Variants in STK39 observed in about 807,000 individuals in gnomAD.
STK39 encodes serine/threonine kinase 39, also known as STE20/SPS1-related proline-alanine-rich protein kinase.
STK39 carries 20 observed loss-of-function variants against 77.8 expected under a neutral mutation model. That is an observed-to-expected ratio of 0.26 (90% confidence interval 0.18 to 0.37). The LOEUF (loss-of-function observed/expected upper bound fraction) is 0.37, where lower values mean the gene tolerates loss of function less well. Among genes scored for constraint, STK39 ranks in the 10% least tolerant of loss-of-function variants. STK39 has a pLI of 1.00. For synonymous variants in STK39, 246 were observed against 234.1 expected (o/e 1.05, Z -0.47); for missense variants, 479 against 656.5 (o/e 0.73, Z 2.95).
intron 6 of STK39, 33 bp from the exon 7 acceptor site, chr2:168,140,423 T>C (rs1258153319): frequency 1.3e-6 from 2 of 1,560,866 alleles, no homozygotes; most frequent in East Asian, 2.2e-5. Context: ...AACACAATCA[T>C]ACAGCAGGCA....
chr2:168,070,714 C>T (rs998393140), intron 12 of STK39, among the ~76,000 whole-genome samples: 4 of 151,508 alleles, frequency 2.6e-5, no homozygotes, highest in East Asian at 1.9e-4. Flanking sequence ...TCTGTCCTTG[C>T]GATAGTTTGC....
chr2:168,128,132 C>A (rs1017739509), intron 10 of STK39, among the ~76,000 whole-genome samples: 1 of 152,084 alleles, frequency 6.6e-6, no homozygotes, highest in Admixed American at 6.6e-5. Context: ...TCTCAGGGAC[C>A]AGCTAACAGG....
rs1688635380 is a variant in STK39, at chr2:168,163,838, TCTC to T, written c.470_472del (p.Gly157del). 1 of 1,614,014 alleles carries T rather than the reference TCTC, an allele frequency of 6.2e-7. No individual in the cohort carries two copies. The highest frequency in any genetic ancestry group is 1.3e-5 in the African/African-American group (1 of 75,056). On this transcript the variant is annotated inframe_deletion, in exon 4 of 18. Transcript: ENST00000355999. Reference sequence around the variant, plus strand: ...CTCTTCCAGAACTCCATTCTTGTGTTCTCCTCGGTTGACAATGTATTTTATGAT... The same window carrying T: ...CTCTTCCAGAACTCCATTCTTGTGTTCTCGGTTGACAATGTATTTTATGAT...
At chr2:167,963,573 C>A (rs1692061507) in intron 17 of STK39, among the ~76,000 whole-genome samples, 1 of 150,588 alleles carries the variant, frequency 6.6e-6, no homozygotes, top group Admixed American at 6.6e-5. Context: ...CATCCCAAAC[C>A]AGAAAAGGGA....
intron 14 of STK39, among the ~76,000 whole-genome samples, chr2:168,052,519 A>C (rs141432876): frequency 6.4e-4 from 97 of 152,358 alleles, no homozygotes; most frequent in Non-Finnish European, 9.7e-4. Context: ...TTTCCACCAC[A>C]ATGTCAAAAA....
intron 16 of STK39, among the ~76,000 whole-genome samples, chr2:167,976,824 CATA>C (rs1658188703): frequency 6.6e-6 from 1 of 152,174 alleles, no homozygotes; most frequent in African/African-American, 2.4e-5. Context: ...GACTGGTCTG[CATA>C]ATAACTCCTT....
rs978732883 is a variant in STK39, at chr2:168,078,327, G to A, written c.1090-3096C>T. 2.0e-5 allele frequency among the ~76,000 whole-genome samples: 3 copies of A among 152,162 alleles called. No homozygotes were observed. The East Asian group carries it at 5.8e-4, about 29-fold the overall frequency. ...GCTCAGCCAGATGAACAAAGGAGAA[G>A]CATGGTTCCTGGCCAGTGCTGGTGG... On this transcript the variant is annotated intron_variant, in intron 10 of 17. Coordinates refer to ENST00000355999, the MANE Select transcript of STK39 (RefSeq NM_013233.3).
At chr2:168,072,907 G>T (rs754941715) in intron 12 of STK39, among the ~76,000 whole-genome samples, 1 of 152,210 alleles carries the variant, frequency 6.6e-6, no homozygotes, top group African/African-American at 2.4e-5. Context: ...CTGTGCAATA[G>T]CAGGTGGGGC....
chr2:167,965,900 A>G (rs1319348946), intron 16 of STK39, among the ~76,000 whole-genome samples: 2 of 152,212 alleles, frequency 1.3e-5, no homozygotes, highest in African/African-American at 2.4e-5. Flanking sequence ...AACAACCTAG[A>G]TACATGGATT....
chr2:168,046,222 C>T (rs887430121), intron 14 of STK39, among the ~76,000 whole-genome samples: 25 of 152,204 alleles, frequency 1.6e-4, no homozygotes, highest in Admixed American at 1.0e-3. Context: ...AAAAATTAGC[C>T]GGGCGTGGTG....
chr2:168,071,849 A>C (rs538836840), intron 12 of STK39, among the ~76,000 whole-genome samples: 134 of 150,882 alleles, frequency 8.9e-4, no homozygotes, highest in Admixed American at 2.1e-3. Flanking sequence ...CAGCCTGGGC[A>C]ACAGAGTGAG....
At chr2:168,090,473 A>C (rs1686489603) in intron 10 of STK39, among the ~76,000 whole-genome samples, 1 of 152,226 alleles carries the variant, frequency 6.6e-6, no homozygotes. Context: ...AAGAAAAAGA[A>C]AAGTAAAGAG....
rs1292779566 is a variant in STK39 at position 168,163,733 on chromosome 2, T to C, written c.572+6A>G. ...CTGAATTTAAACATCTCTGCAGAGG[T>C]CATACCTGTGAATCTGACCGTTTCT... On this transcript the variant is annotated splice_donor_region_variant and intron_variant, in intron 4 of 17. Coordinates refer to ENST00000355999, the MANE Select transcript of STK39 (RefSeq NM_013233.3). 6 of 1,613,740 alleles carry C rather than the reference T, an allele frequency of 3.7e-6. No individual in the cohort carries two copies. The highest frequency in any genetic ancestry group is 5.1e-6 in the Non-Finnish European group (6 of 1,179,904).
chr2:168,174,697 A>G (rs1027273983), intron 2 of STK39, among the ~76,000 whole-genome samples: 2 of 152,012 alleles, frequency 1.3e-5, no homozygotes, highest in African/African-American at 4.8e-5. Context: ...TGAAGATGTC[A>G]TTAAAAACAG....
intron 10 of STK39, among the ~76,000 whole-genome samples, chr2:168,124,752 G>C (rs1180206233): frequency 1.3e-5 from 2 of 152,086 alleles, no homozygotes; most frequent in Admixed American, 6.6e-5. Context: ...GTGTGAGTGT[G>C]GTGCCTCAAG....
At chr2:168,026,731 T>C (rs1450439952) in intron 14 of STK39, among the ~76,000 whole-genome samples, 1 of 152,214 alleles carries the variant, frequency 6.6e-6, no homozygotes, top group African/African-American at 2.4e-5. Flanking sequence ...AGAGGCACTA[T>C]AGACGGGAAA....
intron 14 of STK39, among the ~76,000 whole-genome samples, chr2:168,049,037 T>C (rs755498564): frequency 6.6e-6 from 1 of 152,240 alleles, no homozygotes; most frequent in African/African-American, 2.4e-5. Context: ...TGATAACCAG[T>C]GGCCACTGAG....
At chr2:168,233,344 A>G (rs796800792) in intron 1 of STK39, among the ~76,000 whole-genome samples, 11 of 152,338 alleles carry the variant, frequency 7.2e-5, no homozygotes, top group African/African-American at 2.4e-4. Flanking sequence ...ATTCTCTGTT[A>G]CAGCTCCGGT....
In STK39 at chr2:168,122,051, G is replaced by A. The variant is rs191243772; in HGVS notation, c.1089+7490C>T. On this transcript the variant is annotated intron_variant, in intron 10 of 17. Transcript: ENST00000355999. ...TGGTTTTTGTAAAATTTTTATTTTC[G>A]TTTCAGGGGCACATGTGAAGGTTTG... 1.4e-4 allele frequency among the ~76,000 whole-genome samples: 21 copies of A among 152,254 alleles called. No individual in the cohort carries two copies. In the South Asian group the frequency reaches 2.1e-3, roughly 15 times the overall value.
Sources: allele counts gnomAD v4.1 joint callset (sites outside exome capture counted in the v4.1 genomes callset), GRCh38; gene constraint gnomAD v4.1.1; transcripts MANE v1.5; gene names NCBI Gene and HGNC (gene_info 2026-07-23, HGNC 2026-07-21).